Variants in RAP1A observed in about 807,000 individuals in gnomAD.
The protein encoded by RAP1A is ras-related protein Rap-1A.
Under a neutral mutation model 26.4 loss-of-function variants are expected in RAP1A, and 6 were observed. The observed-to-expected ratio is 0.23, with a 90% CI of 0.12 to 0.45. The LOEUF is 0.45. Among genes scored for constraint, RAP1A ranks in the 20% least tolerant of loss-of-function variants. RAP1A has a pLI of 0.99. For synonymous variants in RAP1A, 73 were observed against 79.4 expected (o/e 0.92, Z 0.43); for missense variants, 121 against 217.2 (o/e 0.56, Z 2.78).
At chr1:111,683,995 A>T (rs1661387502) in intron 1 of RAP1A, among the ~76,000 whole-genome samples, 1 of 152,150 alleles carries the variant, frequency 6.6e-6, no homozygotes, top group Admixed American at 6.5e-5. Flanking sequence ...TGGGGTGCAA[A>T]GTTGGTTCAA....
chr1:111,649,805 G>T (rs1003546171), intron 1 of RAP1A, among the ~76,000 whole-genome samples: 4 of 152,056 alleles, frequency 2.6e-5, no homozygotes, highest in Non-Finnish European at 5.9e-5. Flanking sequence ...GTTGTCTTAG[G>T]TTCCTAAGAC....
intron 4 of RAP1A, among the ~76,000 whole-genome samples, chr1:111,701,392 A>G (rs184443081): frequency 9.8e-4 from 149 of 152,308 alleles, no homozygotes; most frequent in African/African-American, 3.5e-3. Flanking sequence ...TTCCCTGAGC[A>G]TAGTCTTTTA....
At chr1:111,627,904 G>A (rs1659448683) in intron 1 of RAP1A, among the ~76,000 whole-genome samples, 1 of 151,548 alleles carries the variant, frequency 6.6e-6, no homozygotes, top group Admixed American at 6.6e-5. Context: ...GATAGATGAG[G>A]GGGGTAGTCA....
intron 1 of RAP1A, among the ~76,000 whole-genome samples, chr1:111,613,563 G>A (rs763523300): frequency 6.6e-6 from 1 of 152,192 alleles, no homozygotes; most frequent in Non-Finnish European, 1.5e-5. Flanking sequence ...TCTAGGAAGA[G>A]GAGAAGTTGG....
At chr1:111,640,454 G>A (rs912570907) in intron 1 of RAP1A, among the ~76,000 whole-genome samples, 6 of 152,088 alleles carry the variant, frequency 3.9e-5, no homozygotes, top group African/African-American at 1.4e-4. Context: ...TGATAGCAGG[G>A]ATTCTTTAAT....
chr1:111,682,177 A>G (rs1661318879), intron 1 of RAP1A, among the ~76,000 whole-genome samples: 1 of 152,218 alleles, frequency 6.6e-6, no homozygotes, highest in Non-Finnish European at 1.5e-5. Context: ...CCTGCCTTAC[A>G]AGAGGCCCTG....
upstream of RAP1A, chr1:111,619,631 C>A (rs938176452): frequency 1.3e-5 from 5 of 390,018 alleles, no homozygotes; most frequent in South Asian, 1.4e-4. Flanking sequence ...TAGCTCCAGG[C>A]TTTCCCGGCT....
At chr1:111,607,634 GC>G (rs1234045889) in intron 1 of RAP1A, among the ~76,000 whole-genome samples, 41 of 148,784 alleles carry the variant, frequency 2.8e-4, no homozygotes, top group African/African-American at 9.8e-4. Flanking sequence ...GGCTGGCCGG[GC>G]GGGGGGCTGA....
intron 1 of RAP1A, chr1:111,649,480 C>A: frequency 3.2e-6 from 1 of 315,320 alleles, no homozygotes; most frequent in Non-Finnish European, 6.3e-6. Context: ...GGCGCCATAG[C>A]TGGCTGCCTT....
chr1:111,601,990 T>A (rs934984466), intron 1 of RAP1A, among the ~76,000 whole-genome samples: 2 of 152,240 alleles, frequency 1.3e-5, no homozygotes, highest in African/African-American at 4.8e-5. Flanking sequence ...GAATTTTCAA[T>A]AAACAAGCCA....
At chr1:111,679,100 GATGGCCGA>G (rs538147492) in intron 1 of RAP1A, among the ~76,000 whole-genome samples, 2 of 152,316 alleles carry the variant, frequency 1.3e-5, no homozygotes, top group East Asian at 3.9e-4. Context: ...TTCCGGGTAA[GATGGCCGA>G]ATAGGAACAG....
chr1:111,579,309 G>A (rs1213296831), intron 1 of RAP1A, among the ~76,000 whole-genome samples: 1 of 152,156 alleles, frequency 6.6e-6, no homozygotes, highest in African/African-American at 2.4e-5. Flanking sequence ...AGTTATTAAA[G>A]GAGCTCATTA....
chr1:111,653,926 G>A (rs1011564001), intron 1 of RAP1A, among the ~76,000 whole-genome samples: 14 of 151,952 alleles, frequency 9.2e-5, no homozygotes, highest in African/African-American at 2.7e-4. Context: ...CTTAGGAAGG[G>A]GTATAAACCA....
chr1:111,621,635 A>G (rs1042631310), intron 1 of RAP1A, among the ~76,000 whole-genome samples: 1 of 152,204 alleles, frequency 6.6e-6, no homozygotes, highest in African/African-American at 2.4e-5. Context: ...ACTGCAGTCC[A>G]TTTCCAGTTT....
chr1:111,570,251 A>G (rs958272767), intron 1 of RAP1A, among the ~76,000 whole-genome samples: 1 of 152,118 alleles, frequency 6.6e-6, no homozygotes, highest in African/African-American at 2.4e-5. Flanking sequence ...TCACAGTCCT[A>G]TTGTCTGTGT....
chr1:111,564,758 C>T (rs542293399), intron 1 of RAP1A, among the ~76,000 whole-genome samples: 107 of 151,282 alleles, frequency 7.1e-4, no homozygotes, highest in East Asian at 9.9e-4. Flanking sequence ...GTGATCCATC[C>T]GCCTCGGCCT....
At chr1:111,616,028 G>A (rs150131327), upstream of RAP1A, among the ~76,000 whole-genome samples, 6 of 152,254 alleles carry the variant, frequency 3.9e-5, no homozygotes, top group African/African-American at 1.4e-4. Flanking sequence ...GATTAAAGGA[G>A]GCTTCGGTTT....
At chr1:111,657,646 C>T (rs1660504410) in intron 1 of RAP1A, among the ~76,000 whole-genome samples, 1 of 152,014 alleles carries the variant, frequency 6.6e-6, no homozygotes, top group Non-Finnish European at 1.5e-5. Flanking sequence ...ATGGTGGGGC[C>T]CAACTCTTCA....
At chr1:111,685,117 AT>A (rs1661429225) in intron 1 of RAP1A, among the ~76,000 whole-genome samples, 1 of 152,260 alleles carries the variant, frequency 6.6e-6, no homozygotes, top group Non-Finnish European at 1.5e-5. Context: ...TCATATAAAA[AT>A]TAAGTCAAGA....
Sources: allele counts gnomAD v4.1 joint callset (sites outside exome capture counted in the v4.1 genomes callset), GRCh38; gene constraint gnomAD v4.1.1; transcripts MANE v1.5; gene names NCBI Gene and HGNC (gene_info 2026-07-23, HGNC 2026-07-21).